The following CCDC85C variants were observed in gnomAD, a reference collection of about 807,000 sequenced individuals.
CCDC85C encodes the protein coiled-coil domain containing 85C, also known as coiled-coil domain-containing protein 85C.
Under a neutral mutation model 38.3 loss-of-function variants are expected in CCDC85C, and 18 were observed. That is an observed-to-expected ratio of 0.47 (90% confidence interval 0.33 to 0.70). The LOEUF (loss-of-function observed/expected upper bound fraction) is 0.70. Among genes scored for constraint, CCDC85C ranks in the 30% least tolerant of loss-of-function variants. The pLI, the probability that CCDC85C is intolerant of heterozygous loss-of-function variation, is 0.03. For missense variants in CCDC85C, 566 were observed against 621.2 expected, an observed-to-expected ratio of 0.91 and a Z score of 0.94; for synonymous variants, 264 against 293.8, an observed-to-expected ratio of 0.90 and a Z score of 1.04.
rs1280719942 is a variant in CCDC85C, at chr14:99,506,775, C to T, written c.*8471G>A. 1.8e-5 allele frequency: 7 copies of T among 392,590 alleles called. No homozygotes were observed. The highest frequency in any genetic ancestry group is 8.3e-4 in the Middle Eastern group (1 of 1,202). 24.3% of individuals were successfully genotyped at this position (392,590 alleles called of 1,614,324 possible). The stretch of plus-strand genomic sequence containing the variant: ...CATACATGCTCATGAAGACGTTGCT[C>T]TGCTGGTCTCACATGGTCGGAAGGA... On this transcript the variant is annotated 3_prime_UTR_variant, in exon 6 of 6. Transcript: ENST00000380243.
intron 2 of CCDC85C, among the ~76,000 whole-genome samples, chr14:99,529,350 G>A (rs970972845): frequency 6.6e-6 from 1 of 152,088 alleles, no homozygotes; most frequent in Non-Finnish European, 1.5e-5. Context: ...GAGCTTTGAG[G>A]TGTGCAGTTT....
At chr14:99,528,219 T>C (rs1379799296) in intron 2 of CCDC85C, among the ~76,000 whole-genome samples, 1 of 152,094 alleles carries the variant, frequency 6.6e-6, no homozygotes, top group Non-Finnish European at 1.5e-5. Context: ...CAGCTCTACC[T>C]GAAGCCAGCT....
chr14:99,585,568 T>G (rs993329782), intron 1 of CCDC85C, among the ~76,000 whole-genome samples: 1 of 152,226 alleles, frequency 6.6e-6, no homozygotes, highest in East Asian at 1.9e-4. Flanking sequence ...CTGTTAGCTA[T>G]TATTATTCCT....
At position 99,544,111 on chromosome 14, in the gene CCDC85C, C is replaced by A. The variant is rs1224449696; in HGVS notation, c.794-8023G>T. Among the ~76,000 whole-genome samples, 1 of 152,168 alleles carries A rather than the reference C, an allele frequency of 6.6e-6. No homozygotes were observed. The highest frequency in any genetic ancestry group is 6.5e-5 in the Admixed American group (1 of 15,276). On this transcript the variant is annotated intron_variant, in intron 1 of 5. Transcript: ENST00000380243. The surrounding 1 kb of genome is among the most constrained non-coding windows in gnomAD (Gnocchi z 5.3). ...CACACGGAGCACAACCCCATCACACCAAGCTGACGAGGGACATCCTGTAAC... is the reference window on the plus strand; with the variant it reads ...CACACGGAGCACAACCCCATCACACAAAGCTGACGAGGGACATCCTGTAAC...
rs938804004 is a variant in CCDC85C at position 99,503,519 on chromosome 14, C to T, written c.*11727G>A. Reference sequence around the variant, plus strand: ...GTCCGAGGCTGTTCACAGTGACTGCCGTCGCTGATTCTGGTGGTACCTGGA... The same window carrying T: ...GTCCGAGGCTGTTCACAGTGACTGCTGTCGCTGATTCTGGTGGTACCTGGA... On this transcript the variant is annotated 3_prime_UTR_variant, in exon 6 of 6. Transcript: ENST00000380243. The T allele has an allele frequency of 4.6e-6, 5 of 1,090,558 alleles. No homozygotes were observed. The highest frequency in any genetic ancestry group is 5.4e-6 in the Non-Finnish European group (4 of 743,416). 67.6% of individuals were successfully genotyped at this position (1,090,558 alleles called of 1,614,324 possible).
At chr14:99,573,768 G>A (rs1325440930) in intron 1 of CCDC85C, among the ~76,000 whole-genome samples, 1 of 152,172 alleles carries the variant, frequency 6.6e-6, no homozygotes, top group Non-Finnish European at 1.5e-5. Context: ...GGGTGGGACG[G>A]CAGCCCTCCA....
At chr14:99,522,520 C>T (rs80068673) in intron 2 of CCDC85C, 1 of 118,504 alleles carries the variant, frequency 8.4e-6, no homozygotes. Context: ...GAAGAAGAGC[C>T]AGTGAGAGCG....
intron 2 of CCDC85C, among the ~76,000 whole-genome samples, chr14:99,524,215 T>TGCAC (rs1293885009): frequency 2.6e-5 from 4 of 152,094 alleles, no homozygotes; most frequent in Non-Finnish European, 4.4e-5. Flanking sequence ...AATGCGTGCG[T>TGCAC]GCACATACAC....
At chr14:99,589,511 C>T (rs897100590) in intron 1 of CCDC85C, among the ~76,000 whole-genome samples, 1 of 152,264 alleles carries the variant, frequency 6.6e-6, no homozygotes, top group East Asian at 1.9e-4. Context: ...CAGGCAGGAG[C>T]CTCACCAACT....
chr14:99,519,100 T>G (rs1370102643), intron 3 of CCDC85C, among the ~76,000 whole-genome samples: 1 of 5,810 alleles, frequency 1.7e-4, no homozygotes, highest in Admixed American at 2.7e-3. Context: ...CATACATGCC[T>G]TTTTTTTTTT....
At position 99,563,274 on chromosome 14, in the gene CCDC85C, GCCCCTGCCCTGC is replaced by G. The variant is rs1898152600; in HGVS notation, c.794-27198_794-27187del. Among the ~76,000 whole-genome samples the G allele has an allele frequency of 2.0e-5, 3 of 152,392 alleles. No individual in the cohort carries two copies. In the South Asian group the frequency reaches 6.2e-4, roughly 32 times the overall value. ...TTCTCCGTCCACTCCTCGGGCCTGG[GCCCCTGCCCTGC>G]CGCGTTCCATCCTTTGTATGGTCAA... is the stretch of plus-strand genomic sequence containing the variant. On this transcript the variant is annotated intron_variant, in intron 1 of 5. Transcript: ENST00000380243.
Position 99,533,740 on chromosome 14 carries a change from A to G in CCDC85C, c.867+2275T>C, listed in dbSNP as rs1897536846. 2.0e-5 allele frequency among the ~76,000 whole-genome samples: 3 copies of G among 152,184 alleles called. No homozygotes were observed. The highest frequency in any genetic ancestry group is 1.3e-4 in the Admixed American group (2 of 15,288). On this transcript the variant is annotated intron_variant, in intron 2 of 5. Coordinates refer to ENST00000380243, the MANE Select transcript of CCDC85C (RefSeq NM_001144995.2). This position sits in a 1 kb window ranked among gnomAD's most constrained non-coding sequence, Gnocchi z 4.2. ...GTCCCTGGGCAGAGCCAGCCCGTCC[A>G]TCCTTGAGGCTCAAGGCTGAAGCTC...
chr14:99,585,012 T>C (rs1001089724), intron 1 of CCDC85C, among the ~76,000 whole-genome samples: 3 of 152,186 alleles, frequency 2.0e-5, no homozygotes, highest in African/African-American at 7.2e-5. Context: ...GAAGGATCTC[T>C]TGAGCCAGGG....
chr14:99,543,624 C>T (rs147898808), intron 1 of CCDC85C, among the ~76,000 whole-genome samples: 3 of 152,184 alleles, frequency 2.0e-5, no homozygotes, highest in South Asian at 2.1e-4. Context: ...ATGGGGAAGA[C>T]GAAAGGCACA....
chr14:99,501,313 T>G lies in CCDC85C; in HGVS notation c.*13933A>C. The G allele has an allele frequency of 7.7e-7, 1 of 1,293,554 alleles. No homozygotes were observed. The highest frequency in any genetic ancestry group is 1.1e-6 in the Non-Finnish European group (1 of 889,988). 80.1% of individuals were successfully genotyped at this position (1,293,554 alleles called of 1,614,324 possible). ...ATAAATACTTGATGCTGCCTGTGAA[T>G]TTTTCTATTGCTATTAATTTACCTT... On this transcript the variant is annotated 3_prime_UTR_variant, in exon 6 of 6. Coordinates refer to ENST00000380243, the MANE Select transcript of CCDC85C (RefSeq NM_001144995.2).
chr14:99,511,558 C>G lies in CCDC85C; in HGVS notation c.*3688G>C, dbSNP rs1445678370. 6.6e-6 allele frequency: 1 copy of G among 152,482 alleles called. No individual in the cohort carries two copies. Among genetic ancestry groups the G allele is most frequent in the East Asian group, 1.9e-4 (1 of 5,200 alleles). The allele number at this position is 152,482 out of a possible 1,614,324, so 9.4% of individuals were successfully genotyped here. On this transcript the variant is annotated 3_prime_UTR_variant, in exon 6 of 6. Transcript: ENST00000380243. ...GGTGGAAGGTGGGGCTCCAGGCCTTCGCAGTCTGTGGCTTATAAAATGTGC... is the reference window on the plus strand; with the variant it reads ...GGTGGAAGGTGGGGCTCCAGGCCTTGGCAGTCTGTGGCTTATAAAATGTGC...
Position 99,501,030 on chromosome 14 carries a change from A to G in CCDC85C, c.*14216T>C, listed in dbSNP as rs372432279. 1 of 623,058 alleles carries G rather than the reference A, an allele frequency of 1.6e-6. No homozygotes were observed. Among genetic ancestry groups the G allele is most frequent in the East Asian group, 2.8e-5 (1 of 35,736 alleles). 38.6% of individuals were successfully genotyped at this position (623,058 alleles called of 1,614,324 possible). A position where few individuals can be genotyped will look rare whatever the true frequency, so the allele number is the denominator to read the frequency against. On this transcript the variant is annotated 3_prime_UTR_variant, in exon 6 of 6. Coordinates refer to ENST00000380243, the MANE Select transcript of CCDC85C (RefSeq NM_001144995.2). Reference sequence around the variant, plus strand: ...AGTCAATTCAGCATTGCAGCTGCTAATGCTGTTTCCTTTTATGTATAAACA... The same window carrying G: ...AGTCAATTCAGCATTGCAGCTGCTAGTGCTGTTTCCTTTTATGTATAAACA...
chr14:99,510,901 A>T lies in CCDC85C; in HGVS notation c.*4345T>A. On this transcript the variant is annotated 3_prime_UTR_variant, in exon 6 of 6. Coordinates refer to ENST00000380243, the MANE Select transcript of CCDC85C (RefSeq NM_001144995.2). ...AATGCACGACAGTTGCAGTATGGGA[A>T]GAATGGACCGGGCCCCTGGGATAAA... 1.1e-6 allele frequency: 1 copy of T among 882,504 alleles called. No homozygotes were observed. The highest frequency in any genetic ancestry group is 1.5e-6 in the Non-Finnish European group (1 of 652,784). 54.7% of individuals were successfully genotyped at this position (882,504 alleles called of 1,614,324 possible).
intron 1 of CCDC85C, among the ~76,000 whole-genome samples, chr14:99,562,639 C>A (rs1451228115): frequency 6.6e-6 from 1 of 152,168 alleles, no homozygotes; most frequent in Non-Finnish European, 1.5e-5. Context: ...GACAGGGAAC[C>A]CCCAACCTGG....
Sources: gnomAD v4.1 joint callset for allele counts (sites outside exome capture counted in the v4.1 genomes callset) on GRCh38, gnomAD v4.1.1 for gene constraint, Gnocchi (gnomAD v3.1) non-coding constraint, MANE v1.5 for transcripts, NCBI Gene and HGNC (gene_info 2026-07-23, HGNC 2026-07-21) for gene names.